The following RGPD8 variants were observed in gnomAD, a reference collection of about 807,000 sequenced individuals.
RGPD8 encodes RANBP2-like and GRIP domain-containing protein 8.
Under a neutral mutation model 89.1 loss-of-function variants are expected in RGPD8, and 15 were observed. That is an observed-to-expected ratio of 0.17 (90% confidence interval 0.11 to 0.26). RGPD8 has a LOEUF of 0.26. RGPD8 is among the 10% of genes least tolerant of loss of function. RGPD8 has a pLI of 1.00. For missense variants in RGPD8, 178 were observed against 1,179.6 expected (o/e 0.15, Z 12.44); for synonymous variants, 62 against 420.9 (o/e 0.15, Z 10.44).
intron 20 of RGPD8, chr2:112,387,182 GA>G (rs1332406954): frequency 7.8e-4 from 26 of 33,512 alleles, no homozygotes; most frequent in African/African-American, 3.1e-3. Context: ...GAAACAAAAT[GA>G]ATATGCTTTT....
intron 1 of RGPD8, among the ~76,000 whole-genome samples, chr2:112,426,803 G>C (rs1420210139): frequency 6.8e-6 from 1 of 146,960 alleles, no homozygotes; most frequent in Admixed American, 6.7e-5. Context: ...AGCACATAAA[G>C]GAACAAGTCC....
chr2:112,432,084 G>C (rs561678770), intron 1 of RGPD8, among the ~76,000 whole-genome samples: 29 of 152,256 alleles, frequency 1.9e-4, no homozygotes, highest in African/African-American at 5.8e-4. Context: ...AAAAGTGTAA[G>C]TGGCCCCAAA....
At chr2:112,413,143 C>T (rs1325303493) in intron 6 of RGPD8, among the ~76,000 whole-genome samples, 2 of 142,890 alleles carry the variant, frequency 1.4e-5, no homozygotes, top group Non-Finnish European at 3.0e-5. Context: ...TTTTTTGAGA[C>T]GGAGTCTCTC....
At chr2:112,425,799 C>T (rs1449305986) in intron 1 of RGPD8, among the ~76,000 whole-genome samples, 1 of 151,548 alleles carries the variant, frequency 6.6e-6, no homozygotes, top group Non-Finnish European at 1.5e-5. Context: ...AGAGTATGTT[C>T]CATCCATGTG....
intron 6 of RGPD8, among the ~76,000 whole-genome samples, chr2:112,416,309 A>G (rs1679415593): frequency 6.6e-6 from 1 of 152,200 alleles, no homozygotes; most frequent in Admixed American, 6.5e-5. Context: ...GACACTATGT[A>G]CTTTTTCAAG....
chr2:112,426,079 C>T (rs13386945), intron 1 of RGPD8, among the ~76,000 whole-genome samples: 20,050 of 151,618 alleles, frequency 0.13, 1,428 homozygotes, highest in Non-Finnish European at 0.16. Flanking sequence ...AAGATTTGTT[C>T]TTACCATAGA....
intron 1 of RGPD8, among the ~76,000 whole-genome samples, chr2:112,428,738 T>C (rs1679885671): frequency 6.6e-6 from 1 of 152,242 alleles, no homozygotes; most frequent in Admixed American, 6.5e-5. Context: ...CTGAAATTGA[T>C]GGGATTATGT....
In RGPD8 at chr2:112,410,856, C is replaced by T. The variant is rs535275694; in HGVS notation, c.978+1575G>A. Among the ~76,000 whole-genome samples the T allele has an allele frequency of 2.2e-4, 34 of 152,402 alleles. No individual in the cohort carries two copies. The South Asian group carries it at 4.1e-3, about 19-fold the overall frequency. ...ATCCCAGCACTTTGAGAGGCCGAGACGCGCAGATCACCTGAGTTCAGGAGC... is the reference window on the plus strand; with the variant it reads ...ATCCCAGCACTTTGAGAGGCCGAGATGCGCAGATCACCTGAGTTCAGGAGC... On this transcript the variant is annotated intron_variant, in intron 7 of 22. Coordinates refer to ENST00000302558, the MANE Select transcript of RGPD8 (RefSeq NM_001164463.1).
At chr2:112,390,319 AT>A in intron 19 of RGPD8, 72 bp from the exon 20 acceptor site, 1 of 960,272 alleles carries the variant, frequency 1.0e-6, no homozygotes, top group East Asian at 2.4e-5. Flanking sequence ...TACCTTCTTC[AT>A]TCCTAAACAA....
At chr2:112,421,130 CCTG>C (rs1441955814) in intron 4 of RGPD8, among the ~76,000 whole-genome samples, 2 of 131,836 alleles carry the variant, frequency 1.5e-5, no homozygotes, top group Admixed American at 1.6e-4. Flanking sequence ...AAATGCTCAA[CCTG>C]TATAAGCATT....
rs528089436 is a variant in RGPD8 at position 112,413,701 on chromosome 2, T to C, written c.783-1075A>G. Among the ~76,000 whole-genome samples, 43 of 128,628 alleles carry C rather than the reference T, an allele frequency of 3.3e-4. 3 individuals carry two copies. Among genetic ancestry groups the C allele is most frequent in the Non-Finnish European group, 5.5e-4 (34 of 61,358 alleles). The allele number at this position is 128,628 out of a possible 152,430, so 84.4% of individuals were successfully genotyped here. A position where few individuals can be genotyped will look rare whatever the true frequency, so the allele number is the denominator to read the frequency against. On this transcript the variant is annotated intron_variant, in intron 6 of 22. Transcript: ENST00000302558. ...ATTTTCTCATGTATGTAGAGCTGAC[T>C]TTTTTTGTTTTTGTTTTTGGAGACA...
chr2:112,392,882 AC>A (rs1213382990), intron 18 of RGPD8, among the ~76,000 whole-genome samples: 1 of 150,058 alleles, frequency 6.7e-6, no homozygotes, highest in Non-Finnish European at 1.5e-5. Context: ...CATAAAAAAT[AC>A]TATATGTATA....
In RGPD8 at chr2:112,433,268, G is replaced by A. The variant is rs542844120; in HGVS notation, c.72+114C>T. On this transcript the variant is annotated intron_variant, in intron 1 of 22. Coordinates refer to ENST00000302558, the MANE Select transcript of RGPD8 (RefSeq NM_001164463.1). ...CCGCCTCAACAGAGCGCGCCAGGGAGCAGCGCCCGTCGGGAGCCATGACCC... is the reference window on the plus strand; with the variant it reads ...CCGCCTCAACAGAGCGCGCCAGGGAACAGCGCCCGTCGGGAGCCATGACCC... The A allele has an allele frequency of 8.8e-6, 10 of 1,132,690 alleles. No individual in the cohort carries two copies. The South Asian group carries it at 1.6e-4, about 18-fold the overall frequency. 70.2% of individuals were successfully genotyped at this position (1,132,690 alleles called of 1,614,324 possible). A position where few individuals can be genotyped will look rare whatever the true frequency, so the allele number is the denominator to read the frequency against.
rs369818204 is a variant in RGPD8 at position 112,380,650 on chromosome 2, C to CAAAAAAAAAA, written c.5061+164_5061+173dup. Among the ~76,000 whole-genome samples, 27 of 109,396 alleles carry CAAAAAAAAAA rather than the reference C, an allele frequency of 2.5e-4. 1 individual carries two copies. Among genetic ancestry groups the CAAAAAAAAAA allele is most frequent in the African/African-American group, 6.4e-4 (19 of 29,920 alleles). 71.8% of individuals were successfully genotyped at this position (109,396 alleles called of 152,430 possible). ...CCTGGGTGACAGAGCAAGACTGTCT[C>CAAAAAAAAAA]AAAAAAAAAAAAAAAAAAAAAGGCA... On this transcript the variant is annotated intron_variant, in intron 21 of 22. Coordinates refer to ENST00000302558, the MANE Select transcript of RGPD8 (RefSeq NM_001164463.1).
intron 6 of RGPD8, among the ~76,000 whole-genome samples, chr2:112,415,198 A>G (rs1351771771): frequency 6.6e-6 from 1 of 151,972 alleles, no homozygotes; most frequent in African/African-American, 2.4e-5. Context: ...CCTGGCTAAC[A>G]CGGTGACACT....
chr2:112,431,641 G>T (rs73954868), intron 1 of RGPD8, among the ~76,000 whole-genome samples: 3,498 of 141,248 alleles, frequency 0.025, 118 homozygotes, highest in African/African-American at 0.08. Flanking sequence ...TGAGTTTCTG[G>T]TTTTTTTTTT....
At chr2:112,380,658 A>AAAAC in intron 21 of RGPD8, among the ~76,000 whole-genome samples, 166 bp downstream of exon 21, 1 of 150,282 alleles carries the variant, frequency 6.7e-6, no homozygotes, top group South Asian at 2.1e-4. Context: ...CTCAAAAAAA[A>AAAAC]AAAAAAAAAA....
intron 1 of RGPD8, among the ~76,000 whole-genome samples, chr2:112,427,388 G>A (rs1045537225): frequency 1.3e-5 from 2 of 152,168 alleles, no homozygotes; most frequent in African/African-American, 4.8e-5. Flanking sequence ...CTAGAAAGGA[G>A]CACAGCCCAT....
Position 112,433,617 on chromosome 2 carries a change from C to T in RGPD8, c.-164G>A, listed in dbSNP as rs556518999. ...CGCCGCCCACGGAGGCCCACTGTGA[C>T]GAACCTGCGTTCTGCCTCAGCACTG... On this transcript the variant is annotated 5_prime_UTR_variant, in exon 1 of 23. Transcript: ENST00000302558. 2.6e-6 allele frequency: 2 copies of T among 783,602 alleles called. No homozygotes were observed. The highest frequency in any genetic ancestry group is 2.7e-5 in the East Asian group (1 of 36,470). 48.5% of individuals were successfully genotyped at this position (783,602 alleles called of 1,614,324 possible). A position where few individuals can be genotyped will look rare whatever the true frequency, so the allele number is the denominator to read the frequency against.
Sources: allele counts gnomAD v4.1 joint callset (sites outside exome capture counted in the v4.1 genomes callset), GRCh38; gene constraint gnomAD v4.1.1; transcripts MANE v1.5; gene names NCBI Gene and HGNC (gene_info 2026-07-23, HGNC 2026-07-21).